Variants in SPMIP2 observed in about 807,000 individuals in gnomAD.
SPMIP2 encodes the protein sperm microtubule inner protein 2.
the SPMIP2 span, among the ~76,000 whole-genome samples, chr4:158,993,285 T>G: frequency 6.6e-6 from 1 of 152,054 alleles, no homozygotes; most frequent in Non-Finnish European, 1.5e-5. Context: ...GAGGCTCATT[T>G]GAGCCCAGAA....
At chr4:158,955,835 A>T in the SPMIP2 span, among the ~76,000 whole-genome samples, 1 of 152,226 alleles carries the variant, frequency 6.6e-6, no homozygotes, top group East Asian at 1.9e-4. Flanking sequence ...ATTAAAATGT[A>T]AAAAATATGC....
the SPMIP2 span, among the ~76,000 whole-genome samples, chr4:159,020,635 T>TTG: frequency 6.6e-5 from 10 of 152,224 alleles, no homozygotes; most frequent in Admixed American, 6.5e-4. Context: ...AACTCTGCTT[T>TTG]AACAGATGGT....
the SPMIP2 span, among the ~76,000 whole-genome samples, chr4:159,019,692 A>C: frequency 6.6e-6 from 1 of 152,210 alleles, no homozygotes; most frequent in East Asian, 1.9e-4. Flanking sequence ...TCGTGAATAC[A>C]CTGGGACAAT....
the SPMIP2 span, among the ~76,000 whole-genome samples, chr4:159,049,807 T>C: frequency 1.3e-5 from 2 of 152,240 alleles, no homozygotes; most frequent in African/African-American, 4.8e-5. Flanking sequence ...CATATGATTT[T>C]TGTGTCTGTC....
the SPMIP2 span, among the ~76,000 whole-genome samples, chr4:159,069,201 G>T: frequency 6.6e-6 from 1 of 152,046 alleles, no homozygotes; most frequent in Non-Finnish European, 1.5e-5. Flanking sequence ...TACTCGGGAG[G>T]CTGAGGCAGT....
chr4:158,948,329 A>T, the SPMIP2 span, among the ~76,000 whole-genome samples: 4 of 152,052 alleles, frequency 2.6e-5, no homozygotes, highest in Non-Finnish European at 4.4e-5. Context: ...ACATTTTTTG[A>T]GTACATAGAT....
the SPMIP2 span, among the ~76,000 whole-genome samples, chr4:159,012,041 G>C: frequency 1.8e-5 from 2 of 112,386 alleles, no homozygotes; most frequent in African/African-American, 6.7e-5. Flanking sequence ...GGGTGACAGA[G>C]CAAGACTCTG....
the SPMIP2 span, chr4:158,973,070 G>T: frequency 6.7e-7 from 1 of 1,481,988 alleles, no homozygotes; most frequent in Non-Finnish European, 9.4e-7. Flanking sequence ...ATAAATTTAA[G>T]AGCAATACCT....
At chr4:158,948,591 GT>G in the SPMIP2 span, among the ~76,000 whole-genome samples, 19,903 of 125,836 alleles carry the variant, frequency 0.16, 2,666 homozygotes, top group African/African-American at 0.38. Flanking sequence ...TATGTGGTTT[GT>G]TTTTTTTTTT....
the SPMIP2 span, among the ~76,000 whole-genome samples, chr4:158,928,907 A>G: frequency 1.3e-5 from 2 of 152,116 alleles, no homozygotes; most frequent in Non-Finnish European, 2.9e-5. Context: ...AGCCAGCGAG[A>G]CCACGATCCC....
chr4:159,040,206 C>G, the SPMIP2 span, among the ~76,000 whole-genome samples: 2 of 152,002 alleles, frequency 1.3e-5, no homozygotes, highest in African/African-American at 4.8e-5. Context: ...GAGTCTCGCT[C>G]TGTTGCCCAG....
At chr4:158,934,964 G>T in the SPMIP2 span, among the ~76,000 whole-genome samples, 2 of 152,064 alleles carry the variant, frequency 1.3e-5, no homozygotes, top group African/African-American at 4.8e-5. Context: ...TATATATCAG[G>T]TATTCTTTCT....
the SPMIP2 span, among the ~76,000 whole-genome samples, chr4:159,049,239 G>T: frequency 6.6e-6 from 1 of 152,182 alleles, no homozygotes; most frequent in Non-Finnish European, 1.5e-5. Context: ...AGAAGGTCCA[G>T]CTGGACCAAG....
At chr4:158,918,210 A>T in the SPMIP2 span, among the ~76,000 whole-genome samples, 1 of 152,200 alleles carries the variant, frequency 6.6e-6, no homozygotes, top group South Asian at 2.1e-4. Context: ...AGGGAAGGAC[A>T]GGAAAGACCA....
the SPMIP2 span, among the ~76,000 whole-genome samples, chr4:159,033,921 G>A: frequency 3.3e-5 from 5 of 152,122 alleles, no homozygotes; most frequent in Admixed American, 6.5e-5. Flanking sequence ...TCAGGAGTTC[G>A]AGACCAGCCT....
the SPMIP2 span, chr4:158,915,174 T>C: frequency 1.2e-6 from 2 of 1,611,094 alleles, no homozygotes; most frequent in Non-Finnish European, 1.7e-6. Flanking sequence ...TCATACCTTT[T>C]CCTTTTTTGG....
the SPMIP2 span, among the ~76,000 whole-genome samples, chr4:159,012,708 A>T: frequency 6.6e-6 from 1 of 152,018 alleles, no homozygotes; most frequent in Non-Finnish European, 1.5e-5. Flanking sequence ...AGTAGCTGGG[A>T]CTACAGGCCC....
At chr4:159,037,090 T>G in the SPMIP2 span, among the ~76,000 whole-genome samples, 227 of 152,228 alleles carry the variant, frequency 1.5e-3, 2 homozygotes, top group Non-Finnish European at 1.4e-3. Context: ...ATAAATGAGA[T>G]CTTGGCTTTT....
the SPMIP2 span, among the ~76,000 whole-genome samples, chr4:158,974,817 T>C: frequency 6.6e-6 from 1 of 152,336 alleles, no homozygotes; most frequent in African/African-American, 2.4e-5. Context: ...TCTTTGGGTA[T>C]ATACCCAGTA....
Sources: gnomAD v4.1 joint callset for allele counts (sites outside exome capture counted in the v4.1 genomes callset) on GRCh38, gnomAD v4.1.1 for gene constraint, MANE v1.5 for transcripts, NCBI Gene and HGNC (gene_info 2026-07-23, HGNC 2026-07-21) for gene names.